ARSK: variants seen among roughly 807,000 people sequenced by gnomAD.
The protein encoded by ARSK is arylsulfatase K.
ARSK carries 37 observed loss-of-function variants against 53.2 expected under a neutral mutation model. The observed-to-expected ratio is 0.70, with a 90% CI of 0.54 to 0.92. The LOEUF is 0.92. Ranked by LOEUF, ARSK falls within the 40% of genes least tolerant of loss-of-function variation. The pLI, the probability that ARSK is intolerant of heterozygous loss-of-function variation, is 0.00. For synonymous variants in ARSK, 208 were observed against 223.2 expected (o/e 0.93, Z 0.61); for missense variants, 613 against 643.0 (o/e 0.95, Z 0.51).
At chr5:95,559,572 T>C (rs1427817920) in intron 1 of ARSK, among the ~76,000 whole-genome samples, 3 of 152,192 alleles carry the variant, frequency 2.0e-5, no homozygotes, top group Non-Finnish European at 4.4e-5. Context: ...TATCTGAAAA[T>C]CAATTAATGT....
At chr5:95,568,994 A>G (rs1339412739) in intron 3 of ARSK, among the ~76,000 whole-genome samples, 1 of 152,196 alleles carries the variant, frequency 6.6e-6, no homozygotes, top group Non-Finnish European at 1.5e-5. Context: ...TGAGACTCCA[A>G]CCGGACACTT....
At chr5:95,590,276 C>T (rs1315383729) in intron 5 of ARSK, among the ~76,000 whole-genome samples, 13 of 152,056 alleles carry the variant, frequency 8.5e-5, no homozygotes, top group South Asian at 2.1e-4. Context: ...GGCAAGAAAG[C>T]GTAAACTAAT....
chr5:95,558,279 G>C (rs145807345), intron 1 of ARSK, among the ~76,000 whole-genome samples: 34 of 152,294 alleles, frequency 2.2e-4, no homozygotes, highest in Admixed American at 5.9e-4. Context: ...TAGCTCTCTA[G>C]TAGGACAGAG....
intron 2 of ARSK, 109 bp from the exon 3 acceptor site, chr5:95,567,781 T>C: frequency 3.7e-6 from 4 of 1,079,184 alleles, no homozygotes; most frequent in Non-Finnish European, 5.2e-6. Context: ...TACGTCTTAC[T>C]GCAGAGCATA....
chr5:95,603,411 A>C lies in ARSK; in HGVS notation c.1496A>C (p.Tyr499Ser). 3 of 1,613,934 alleles carry C rather than the reference A, an allele frequency of 1.9e-6. No individual in the cohort carries two copies. ...TGGAAACAAAGTATAGGACAGAATTATTCAAACGTTATAGCAAATCTTAGG... is the reference window on the plus strand; with the variant it reads ...TGGAAACAAAGTATAGGACAGAATTCTTCAAACGTTATAGCAAATCTTAGG... The part of the protein sequence containing the change: ...IKWKQSIGQN[Y>S]SNVIANLRWH... Residue 499 changes from tyrosine (Y) to serine (S), a missense_variant, in exon 8 of 8, where the codon TAT becomes TCT. By Grantham distance (144) the Tyr-to-Ser change is moderately radical. Transcript: ENST00000380009.
chr5:95,579,300 G>A (rs1748982001), intron 3 of ARSK, among the ~76,000 whole-genome samples: 1 of 152,104 alleles, frequency 6.6e-6, no homozygotes, highest in African/African-American at 2.4e-5. Flanking sequence ...ACCAAGACTG[G>A]GTAATTTAGA....
chr5:95,561,529 T>C (rs754360994), intron 1 of ARSK, among the ~76,000 whole-genome samples: 16 of 152,226 alleles, frequency 1.1e-4, no homozygotes, highest in Non-Finnish European at 2.2e-4. Flanking sequence ...TGCCCATCAA[T>C]TGATAAATGG....
At chr5:95,565,102 C>T (rs191723586) in intron 1 of ARSK, among the ~76,000 whole-genome samples, 1 of 152,300 alleles carries the variant, frequency 6.6e-6, no homozygotes, top group East Asian at 1.9e-4. Flanking sequence ...ATGTTGAAAA[C>T]ATATAATAGA....
intron 4 of ARSK, among the ~76,000 whole-genome samples, chr5:95,585,784 A>G (rs1268133515): frequency 6.6e-6 from 1 of 152,172 alleles, no homozygotes; most frequent in Non-Finnish European, 1.5e-5. Flanking sequence ...TCATGCAACC[A>G]CGCCTGTTCC....
intron 3 of ARSK, among the ~76,000 whole-genome samples, chr5:95,572,154 A>G (rs1174199106): frequency 8.5e-5 from 13 of 152,160 alleles, no homozygotes; most frequent in African/African-American, 2.4e-5. Context: ...CTTATTATAT[A>G]TGACACACCA....
chr5:95,568,524 G>A (rs1041057765), intron 3 of ARSK, among the ~76,000 whole-genome samples: 1 of 152,008 alleles, frequency 6.6e-6, no homozygotes, highest in Non-Finnish European at 1.5e-5. Context: ...GCCTGCTTTT[G>A]AATTATAGTT....
At chr5:95,563,628 A>G (rs1346230335) in intron 1 of ARSK, among the ~76,000 whole-genome samples, 1 of 152,216 alleles carries the variant, frequency 6.6e-6, no homozygotes, top group Non-Finnish European at 1.5e-5. Context: ...AGAAATCACT[A>G]ACATCGATTT....
At chr5:95,575,978 CT>C in intron 3 of ARSK, among the ~76,000 whole-genome samples, 1 of 152,044 alleles carries the variant, frequency 6.6e-6, no homozygotes, top group African/African-American at 2.4e-5. Context: ...AGAGGAAGGA[CT>C]TTCAGTTTTT....
chr5:95,580,515 A>C (rs926081295), intron 3 of ARSK, among the ~76,000 whole-genome samples: 1 of 152,238 alleles, frequency 6.6e-6, no homozygotes, highest in African/African-American at 2.4e-5. Context: ...TTGTAATTGT[A>C]ATAGATTATG....
intron 3 of ARSK, 138 bp downstream of exon 3, chr5:95,568,187 C>A: frequency 1.1e-6 from 1 of 922,508 alleles, no homozygotes; most frequent in Non-Finnish European, 1.5e-6. Context: ...GTTAATTAGG[C>A]TGAAATTTTA....
At chr5:95,593,774 T>C (rs2112444203) in intron 6 of ARSK, among the ~76,000 whole-genome samples, 1 of 152,204 alleles carries the variant, frequency 6.6e-6, no homozygotes, top group African/African-American at 2.4e-5. Context: ...CCATCCCAAC[T>C]CTTCTGTAAA....
At chr5:95,599,121 T>C (rs934171135) in intron 6 of ARSK, among the ~76,000 whole-genome samples, 1 of 152,186 alleles carries the variant, frequency 6.6e-6, no homozygotes, top group Non-Finnish European at 1.5e-5. Context: ...TTGACCAGTG[T>C]TGTTTCCCTA....
At chr5:95,565,820 A>G (rs1748716268) in intron 1 of ARSK, among the ~76,000 whole-genome samples, 178 bp from the exon 2 acceptor site, 1 of 152,188 alleles carries the variant, frequency 6.6e-6, no homozygotes, top group Non-Finnish European at 1.5e-5. Context: ...GCTGCACTGA[A>G]TTCTAGCTAT....
chr5:95,560,180 G>C (rs138017640), intron 1 of ARSK, among the ~76,000 whole-genome samples: 1 of 151,972 alleles, frequency 6.6e-6, no homozygotes, highest in Non-Finnish European at 1.5e-5. Flanking sequence ...AGAAATAAAA[G>C]AACATTTAAA....
Sources: allele counts gnomAD v4.1 joint callset (sites outside exome capture counted in the v4.1 genomes callset), GRCh38; gene constraint gnomAD v4.1.1; transcripts MANE v1.5; gene names NCBI Gene and HGNC (gene_info 2026-07-23, HGNC 2026-07-21).